Variants in CD79A observed in about 807,000 individuals in gnomAD.
CD79A encodes B-cell antigen receptor complex-associated protein alpha chain.
Under a neutral mutation model 27.4 loss-of-function variants are expected in CD79A, and 16 were observed. The ratio of observed to expected loss-of-function variants is 0.58; its 90% CI spans 0.40 to 0.89. The LOEUF (loss-of-function observed/expected upper bound fraction) is 0.89, where lower values mean the gene tolerates loss of function less well. Ranked by LOEUF, CD79A falls within the 40% of genes least tolerant of loss-of-function variation. CD79A has a pLI of 0.00. For synonymous variants in CD79A, 110 were observed against 132.7 expected (o/e 0.83, Z 1.18); for missense variants, 237 against 299.7 (o/e 0.79, Z 1.55).
In CD79A at chr19:41,880,685, G is replaced by A. The variant is rs953006206; in HGVS notation, c.514G>A (p.Glu172Lys). 4.4e-6 allele frequency: 5 copies of A among 1,148,018 alleles called. No homozygotes were observed. The highest frequency in any genetic ancestry group is 1.7e-5 in the African/African-American group (1 of 60,606). 71.1% of individuals were successfully genotyped at this position (1,148,018 alleles called of 1,614,324 possible). A position where few individuals can be genotyped will look rare whatever the true frequency, so the allele number is the denominator to read the frequency against. ...ACCCCTACAGAAACGATGGCAGAAC[G>A]AGAAGCTCGGGTTGGATGCCGGGGA... ...LLLFRKRWQN[E>K]KLGLDAGDEY... The change falls in exon 4 of 5, where the codon GAG becomes AAG. Residue 172 changes from glutamate (E) to lysine (K), a missense_variant. By Grantham distance (56) the Glu-to-Lys change is moderately conservative. Coordinates refer to ENST00000221972, the MANE Select transcript of CD79A (RefSeq NM_001783.4).
At position 41,880,656 on chromosome 19, in the gene CD79A, AC is replaced by A; in HGVS notation, c.499-11del. On this transcript the variant is annotated splice_polypyrimidine_tract_variant and intron_variant, in intron 3 of 4. Coordinates refer to ENST00000221972, the MANE Select transcript of CD79A (RefSeq NM_001783.4). The stretch of plus-strand genomic sequence containing the variant: ...CCCTGCTCACTGAGGCACCCACCCC[AC>A]CCACCCCTACAGAAACGATGGCAGA... 3 of 389,724 alleles carry A rather than the reference AC, an allele frequency of 7.7e-6. No individual in the cohort carries two copies. Among genetic ancestry groups the A allele is most frequent in the Non-Finnish European group, 1.4e-5 (3 of 207,386 alleles). The allele number at this position is 389,724 out of a possible 1,614,324, so 24.1% of individuals were successfully genotyped here.
At chr19:41,880,762 T>C in intron 4 of CD79A, 24 bp downstream of exon 4, 5 of 1,450,978 alleles carry the variant, frequency 3.4e-6, no homozygotes, top group Non-Finnish European at 4.6e-6. Flanking sequence ...GGGGATGGGG[T>C]AGGGGCAGTT....
At position 41,880,911 on chromosome 19, in the gene CD79A, G is replaced by A. The variant is rs782262027; in HGVS notation, c.612G>A (p.Arg204=). The change falls in exon 5 of 5, where the codon CGG becomes CGA. Residue 204 remains arginine, a synonymous_variant. Coordinates refer to ENST00000221972, the MANE Select transcript of CD79A (RefSeq NM_001783.4). ...GCTCCATGTATGAGGACATCTCCCG[G>A]GGCCTCCAGGGCACCTACCAGGATG... is the stretch of plus-strand genomic sequence containing the variant. ...DDCSMYEDIS[R]GLQGTYQDVG... The A allele has an allele frequency of 3.1e-6, 5 of 1,605,396 alleles. No homozygotes were observed. In the South Asian group the frequency reaches 5.6e-5, roughly 18 times the overall value.
Position 41,878,871 on chromosome 19 carries a change from C to T in CD79A, c.80-119C>T. ...GCCCCTGTCAGGGGCTCTCTCTCTC[C>T]CTCCCCACCCAGGAGAGTCCTCACC... On this transcript the variant is annotated intron_variant, in intron 1 of 4. Transcript: ENST00000221972. The surrounding 1 kb of genome is among the most constrained non-coding windows in gnomAD (Gnocchi z 4.3). 1 of 776,944 alleles carries T rather than the reference C, an allele frequency of 1.3e-6. No individual in the cohort carries two copies. Among genetic ancestry groups the T allele is most frequent in the Non-Finnish European group, 2.1e-6 (1 of 471,138 alleles). 48.1% of individuals were successfully genotyped at this position (776,944 alleles called of 1,614,324 possible).
chr19:41,881,279 C>G lies in CD79A; in HGVS notation c.*299C>G, dbSNP rs1280435877. The G allele has an allele frequency of 1.4e-5, 7 of 514,950 alleles. No homozygotes were observed. Among genetic ancestry groups the G allele is most frequent in the Non-Finnish European group, 2.1e-5 (6 of 281,500 alleles). 31.9% of individuals were successfully genotyped at this position (514,950 alleles called of 1,614,324 possible). A position where few individuals can be genotyped will look rare whatever the true frequency, so the allele number is the denominator to read the frequency against. ...GGTAATGAGCCCTTAATCGCTGCCT[C>G]TAGGGGAGCTGATTGTAGCAGCCTC... On this transcript the variant is annotated 3_prime_UTR_variant, in exon 5 of 5. Transcript: ENST00000221972.
Position 41,878,533 on chromosome 19 carries a change from C to T in CD79A, c.80-457C>T, listed in dbSNP as rs1335007756. On this transcript the variant is annotated intron_variant, in intron 1 of 4. Coordinates refer to ENST00000221972, the MANE Select transcript of CD79A (RefSeq NM_001783.4). This position sits in a 1 kb window ranked among gnomAD's most constrained non-coding sequence, Gnocchi z 4.3. Reference sequence around the variant, plus strand: ...CTGAGGCTGGGGTGCAAAAATGGACCGGGAAGGCTGCGGGAGGAGGGGACG... The same window carrying T: ...CTGAGGCTGGGGTGCAAAAATGGACTGGGAAGGCTGCGGGAGGAGGGGACG... 7.2e-5 allele frequency among the ~76,000 whole-genome samples: 11 copies of T among 152,118 alleles called. No individual in the cohort carries two copies. The highest frequency in any genetic ancestry group is 6.5e-4 in the Admixed American group (10 of 15,280).
chr19:41,878,534 G>A lies in CD79A; in HGVS notation c.80-456G>A, dbSNP rs572657044. Among the ~76,000 whole-genome samples the A allele has an allele frequency of 3.3e-5, 5 of 152,326 alleles. No homozygotes were observed. In the East Asian group the frequency reaches 5.8e-4, roughly 18 times the overall value. On this transcript the variant is annotated intron_variant, in intron 1 of 4. Coordinates refer to ENST00000221972, the MANE Select transcript of CD79A (RefSeq NM_001783.4). The surrounding 1 kb of genome is among the most constrained non-coding windows in gnomAD (Gnocchi z 4.3). ...TGAGGCTGGGGTGCAAAAATGGACCGGGAAGGCTGCGGGAGGAGGGGACGC... is the reference window on the plus strand; with the variant it reads ...TGAGGCTGGGGTGCAAAAATGGACCAGGAAGGCTGCGGGAGGAGGGGACGC...
chr19:41,880,916 T>C lies in CD79A; in HGVS notation c.617T>C (p.Leu206Pro). 6.2e-7 allele frequency: 1 copy of C among 1,605,286 alleles called. No homozygotes were observed. Among genetic ancestry groups the C allele is most frequent in the Non-Finnish European group, 8.5e-7 (1 of 1,176,610 alleles). Reference sequence around the variant, plus strand: ...ATGTATGAGGACATCTCCCGGGGCCTCCAGGGCACCTACCAGGATGTGGGC... The same window carrying C: ...ATGTATGAGGACATCTCCCGGGGCCCCCAGGGCACCTACCAGGATGTGGGC... ...CSMYEDISRG[L>P]QGTYQDVGSL... Residue 206 changes from leucine to proline, a missense_variant, in exon 5 of 5, where the codon CTC becomes CCC. Coordinates refer to ENST00000221972, the MANE Select transcript of CD79A (RefSeq NM_001783.4).
At position 41,878,965 on chromosome 19, in the gene CD79A, AC is replaced by A; in HGVS notation, c.80-22del. The A allele has an allele frequency of 1.5e-5, 9 of 612,044 alleles. No homozygotes were observed. The highest frequency in any genetic ancestry group is 2.2e-5 in the Non-Finnish European group (7 of 322,920). The allele number at this position is 612,044 out of a possible 1,614,324, so 37.9% of individuals were successfully genotyped here. On this transcript the variant is annotated intron_variant, in intron 1 of 4. Coordinates refer to ENST00000221972, the MANE Select transcript of CD79A (RefSeq NM_001783.4). The surrounding 1 kb of genome is among the most constrained non-coding windows in gnomAD (Gnocchi z 4.3). ...AATGTGTCACCATCCCCAGTCCCTG[AC>A]CCACCCACCCTGTCTCTCCACAGGC... is the stretch of plus-strand genomic sequence containing the variant.
chr19:41,879,506 G>A lies in CD79A; in HGVS notation c.380-29G>A. 6.6e-7 allele frequency: 1 copy of A among 1,515,158 alleles called. No individual in the cohort carries two copies. The highest frequency in any genetic ancestry group is 9.1e-7 in the Non-Finnish European group (1 of 1,100,914). 93.9% of individuals were successfully genotyped at this position (1,515,158 alleles called of 1,614,324 possible). ...AGGCTAGGGAGGGCAAGAGGGGCCAGGGCTCTGAGCCATACTACCTCCTTG... is the reference window on the plus strand; with the variant it reads ...AGGCTAGGGAGGGCAAGAGGGGCCAAGGCTCTGAGCCATACTACCTCCTTG... On this transcript the variant is annotated intron_variant, in intron 2 of 4. Coordinates refer to ENST00000221972, the MANE Select transcript of CD79A (RefSeq NM_001783.4). This position sits in a 1 kb window ranked among gnomAD's most constrained non-coding sequence, Gnocchi z 5.1.
chr19:41,879,714 AC>A lies in CD79A; in HGVS notation c.498+64del, dbSNP rs2074210742. The stretch of plus-strand genomic sequence containing the variant: ...GGGCCTGGGCCGAGGGACCCCCAAT[AC>A]CCAGGTAGCCCTCTAGAGCCTGAGG... On this transcript the variant is annotated intron_variant, in intron 3 of 4. Coordinates refer to ENST00000221972, the MANE Select transcript of CD79A (RefSeq NM_001783.4). This position sits in a 1 kb window ranked among gnomAD's most constrained non-coding sequence, Gnocchi z 5.1. 8.8e-7 allele frequency: 1 copy of A among 1,135,400 alleles called. No homozygotes were observed. The highest frequency in any genetic ancestry group is 1.5e-5 in the African/African-American group (1 of 65,758). 70.3% of individuals were successfully genotyped at this position (1,135,400 alleles called of 1,614,324 possible).
chr19:41,877,472 G>C lies in CD79A; in HGVS notation c.79+89G>C. Reference sequence around the variant, plus strand: ...CACAGGCAGAGGGAAGGGGGCTCAGGGAAAGGGGAAGAGGAGGCAGAGGAT... The same window carrying C: ...CACAGGCAGAGGGAAGGGGGCTCAGCGAAAGGGGAAGAGGAGGCAGAGGAT... On this transcript the variant is annotated intron_variant, in intron 1 of 4. Transcript: ENST00000221972. This position sits in a 1 kb window ranked among gnomAD's most constrained non-coding sequence, Gnocchi z 4.1. 2 of 1,080,032 alleles carry C rather than the reference G, an allele frequency of 1.9e-6. No homozygotes were observed. The highest frequency in any genetic ancestry group is 1.2e-5 in the South Asian group (1 of 80,100). The allele number at this position is 1,080,032 out of a possible 1,614,324, so 66.9% of individuals were successfully genotyped here. A position where few individuals can be genotyped will look rare whatever the true frequency, so the allele number is the denominator to read the frequency against.
In CD79A at chr19:41,878,568, C is replaced by T. The variant is rs2074201893; in HGVS notation, c.80-422C>T. Among the ~76,000 whole-genome samples the T allele has an allele frequency of 6.6e-6, 1 of 152,136 alleles. No individual in the cohort carries two copies. On this transcript the variant is annotated intron_variant, in intron 1 of 4. Transcript: ENST00000221972. This position sits in a 1 kb window ranked among gnomAD's most constrained non-coding sequence, Gnocchi z 4.3. ...GCGGGAGGAGGGGACGCCTGCACTG[C>T]TTCTGGAAGGAGCTGTCTGGACAGC...
Position 41,879,805 on chromosome 19 carries a change from A to G in CD79A, c.498+152A>G, listed in dbSNP as rs2074211188. 1 of 616,180 alleles carries G rather than the reference A, an allele frequency of 1.6e-6. No homozygotes were observed. The highest frequency in any genetic ancestry group is 2.9e-6 in the Non-Finnish European group (1 of 343,386). The allele number at this position is 616,180 out of a possible 1,614,324, so 38.2% of individuals were successfully genotyped here. On this transcript the variant is annotated intron_variant, in intron 3 of 4. Transcript: ENST00000221972. This position sits in a 1 kb window ranked among gnomAD's most constrained non-coding sequence, Gnocchi z 5.1. ...TATAGGGGCTGTGGGAGTTAAATGA[A>G]TGAATATAAAGAAGGGACTTGAACT... is the stretch of plus-strand genomic sequence containing the variant.
At position 41,879,630 on chromosome 19, in the gene CD79A, C is replaced by A; in HGVS notation, c.475C>A (p.Pro159Thr). ...CATCCTCCTGTTCTGCGCGGTGGTG[C>A]CTGGGACGCTGCTGCTGTTCAGGGT... ...GIILLFCAVV[P>T]GTLLLFRKRW... The change falls in exon 3 of 5, where the codon CCT (proline) becomes ACT (threonine). Residue 159 changes from proline to threonine, a missense_variant. By Grantham distance (38) the Pro-to-Thr change is conservative. Coordinates refer to ENST00000221972, the MANE Select transcript of CD79A (RefSeq NM_001783.4). The surrounding 1 kb of genome is among the most constrained non-coding windows in gnomAD (Gnocchi z 5.1). The A allele has an allele frequency of 6.2e-7, 1 of 1,610,542 alleles. No individual in the cohort carries two copies. Among genetic ancestry groups the A allele is most frequent in the Non-Finnish European group, 8.5e-7 (1 of 1,177,868 alleles).
chr19:41,879,480 G>A lies in CD79A; in HGVS notation c.380-55G>A. ...CCTTGCAGGAGGTGGGCGGGGCCAG[G>A]AGGCTAGGGAGGGCAAGAGGGGCCA... On this transcript the variant is annotated intron_variant, in intron 2 of 4. Coordinates refer to ENST00000221972, the MANE Select transcript of CD79A (RefSeq NM_001783.4). The surrounding 1 kb of genome is among the most constrained non-coding windows in gnomAD (Gnocchi z 5.1). 1.5e-6 allele frequency: 2 copies of A among 1,372,812 alleles called. No homozygotes were observed. 85.0% of individuals were successfully genotyped at this position (1,372,812 alleles called of 1,614,324 possible).
intron 4 of CD79A, 31 bp from the exon 5 acceptor site, chr19:41,880,836 G>C: frequency 6.5e-7 from 1 of 1,548,562 alleles, no homozygotes; most frequent in Non-Finnish European, 8.8e-7. Context: ...GTGTCAGGGT[G>C]CTGATGTTCG....
At position 41,881,267 on chromosome 19, in the gene CD79A, T is replaced by C. The variant is rs1271818209; in HGVS notation, c.*287T>C. 1.1e-5 allele frequency: 6 copies of C among 537,776 alleles called. No homozygotes were observed. The highest frequency in any genetic ancestry group is 9.4e-5 in the Admixed American group (3 of 32,040). The allele number at this position is 537,776 out of a possible 1,614,324, so 33.3% of individuals were successfully genotyped here. The stretch of plus-strand genomic sequence containing the variant: ...CTCACCCCAGCGGGTAATGAGCCCT[T>C]AATCGCTGCCTCTAGGGGAGCTGAT... On this transcript the variant is annotated 3_prime_UTR_variant, in exon 5 of 5. Coordinates refer to ENST00000221972, the MANE Select transcript of CD79A (RefSeq NM_001783.4).
In CD79A at chr19:41,879,681, C is replaced by A. The variant is rs782167458; in HGVS notation, c.498+28C>A. 2 of 1,495,110 alleles carry A rather than the reference C, an allele frequency of 1.3e-6. No individual in the cohort carries two copies. Among genetic ancestry groups the A allele is most frequent in the Non-Finnish European group, 1.9e-6 (2 of 1,075,004 alleles). The allele number at this position is 1,495,110 out of a possible 1,614,324, so 92.6% of individuals were successfully genotyped here. A position where few individuals can be genotyped will look rare whatever the true frequency, so the allele number is the denominator to read the frequency against. ...GAGCCCCCTCGGACCTCTGAGTCAG[C>A]CGGGCGAGGGCCTGGGCCGAGGGAC... On this transcript the variant is annotated intron_variant, in intron 3 of 4. Coordinates refer to ENST00000221972, the MANE Select transcript of CD79A (RefSeq NM_001783.4). The surrounding 1 kb of genome is among the most constrained non-coding windows in gnomAD (Gnocchi z 5.1).
Sources: allele counts gnomAD v4.1 joint callset (sites outside exome capture counted in the v4.1 genomes callset), GRCh38; gene constraint gnomAD v4.1.1; non-coding constraint Gnocchi (gnomAD v3.1); transcripts MANE v1.5; gene names NCBI Gene and HGNC (gene_info 2026-07-23, HGNC 2026-07-21).